ESD: variants seen among roughly 807,000 people sequenced by gnomAD.
ESD encodes the protein esterase D, also known as S-formylglutathione hydrolase.
Under a neutral mutation model 38.1 loss-of-function variants are expected in ESD, and 34 were observed. The observed-to-expected ratio is 0.89, with a 90% CI of 0.68 to 1.19. ESD has a LOEUF of 1.19. Among genes scored for constraint, ESD ranks in the 50% most tolerant of loss-of-function variants. ESD has a pLI of 0.00. For synonymous variants in ESD, 97 were observed against 107.0 expected, an observed-to-expected ratio of 0.91 and a Z score of 0.58; for missense variants, 334 against 327.2, an observed-to-expected ratio of 1.02 and a Z score of -0.16.
At chr13:46,775,824 G>C in intron 9 of ESD, 1 of 318,120 alleles carries the variant, frequency 3.1e-6, no homozygotes, top group Admixed American at 4.6e-5. Flanking sequence ...CCAACTATGT[G>C]TTCTAGTTGC....
At chr13:46,775,960 T>A (rs1372583023) in intron 9 of ESD, 1 of 228,944 alleles carries the variant, frequency 4.4e-6, no homozygotes, top group Non-Finnish European at 8.8e-6. Flanking sequence ...GCAGGCAGAA[T>A]CATTGTAGAA....
intron 9 of ESD, among the ~76,000 whole-genome samples, chr13:46,774,267 A>C (rs1256010540): frequency 6.6e-6 from 1 of 152,232 alleles, no homozygotes; most frequent in Admixed American, 6.5e-5. Context: ...ATTCACCTAT[A>C]TGAGAAAGAA....
chr13:46,791,919 G>A (rs1217677557), intron 2 of ESD, among the ~76,000 whole-genome samples: 1 of 151,880 alleles, frequency 6.6e-6, no homozygotes, highest in African/African-American at 2.4e-5. Context: ...CATTTTTCTA[G>A]ACACTAAACC....
chr13:46,792,278 T>C (rs1249457153), intron 2 of ESD, among the ~76,000 whole-genome samples: 1 of 152,026 alleles, frequency 6.6e-6, no homozygotes, highest in Non-Finnish European at 1.5e-5. Context: ...CAGTAAGTCC[T>C]ACATATTGAA....
intron 9 of ESD, chr13:46,775,785 G>T (rs571759375): frequency 4.8e-6 from 2 of 418,844 alleles, no homozygotes; most frequent in South Asian, 3.6e-5. Flanking sequence ...AGAATTGAAT[G>T]GTTTGTCTTG....
intron 9 of ESD, chr13:46,776,486 C>T (rs1395711850): frequency 6.6e-6 from 1 of 152,068 alleles, no homozygotes; most frequent in Non-Finnish European, 1.5e-5. Context: ...GGCCTTAGTT[C>T]CAGTTCTGGT....
At position 46,793,737 on chromosome 13, in the gene ESD, TAAAC is replaced by T. The variant is rs1321805185; in HGVS notation, c.-55-297_-55-294del. 7.2e-5 allele frequency among the ~76,000 whole-genome samples: 11 copies of T among 152,284 alleles called. 1 individual carries two copies. Among genetic ancestry groups the T allele is most frequent in the Admixed American group, 6.5e-4 (10 of 15,298 alleles). ...AAAGTTTTTTATCTTTTTAAATCAATAAACAAAGTTTTCAAGTGTAATTTCGAAG... is the reference window on the plus strand; with the variant it reads ...AAAGTTTTTTATCTTTTTAAATCAATAAAGTTTTCAAGTGTAATTTCGAAG... On this transcript the variant is annotated intron_variant, in intron 1 of 9. Transcript: ENST00000378720.
At chr13:46,790,682 A>G (rs1411429716) in intron 3 of ESD, 1 of 152,170 alleles carries the variant, frequency 6.6e-6, no homozygotes, top group Admixed American at 6.6e-5. Context: ...CAGACTTTCA[A>G]TTAATCTTTT....
chr13:46,777,775 C>T, intron 8 of ESD, 152 bp from the exon 9 acceptor site: 1 of 529,070 alleles, frequency 1.9e-6, no homozygotes, highest in Admixed American at 3.7e-5. Context: ...TCTGACTTGC[C>T]AGGCTTTTAT....
At chr13:46,783,440 T>C (rs1316930167) in intron 5 of ESD, among the ~76,000 whole-genome samples, 1 of 152,124 alleles carries the variant, frequency 6.6e-6, no homozygotes, top group East Asian at 1.9e-4. Context: ...GTAGAGTAAT[T>C]TGGAGACATG....
chr13:46,774,934 G>A (rs1290517460), intron 9 of ESD, among the ~76,000 whole-genome samples: 1 of 152,164 alleles, frequency 6.6e-6, no homozygotes, highest in Non-Finnish European at 1.5e-5. Flanking sequence ...GCAGGCAGAT[G>A]CAGAGGCTAA....
At chr13:46,790,556 A>G (rs1466165827) in intron 3 of ESD, 1 of 152,200 alleles carries the variant, frequency 6.6e-6, no homozygotes, top group Admixed American at 6.5e-5. Context: ...TGTGTCTGGT[A>G]TTCCCCAGTA....
Position 46,777,589 on chromosome 13 carries a change from G to C in ESD, c.635C>G (p.Pro212Arg). The change falls in exon 9 of 10, where the codon CCA becomes CGA. Residue 212 changes from proline (P) to arginine (R), a missense_variant. Coordinates refer to ENST00000378720, the MANE Select transcript of ESD (RefSeq NM_001984.2). ...AATTAGTATGTCCAGCTGAGATCCT[G>C]GATAGGATTTCACAAGGTGGGTAGC... ...YDATHLVKSY[P>R]GSQLDILIDQ... 2 of 1,606,778 alleles carry C rather than the reference G, an allele frequency of 1.2e-6. No individual in the cohort carries two copies. The highest frequency in any genetic ancestry group is 1.7e-6 in the Non-Finnish European group (2 of 1,176,322).
intron 2 of ESD, 102 bp from the exon 3 acceptor site, chr13:46,791,522 A>C: frequency 1.2e-6 from 1 of 807,060 alleles, no homozygotes; most frequent in South Asian, 1.8e-5. Flanking sequence ...ACATACAACT[A>C]TTTTCTACTT....
chr13:46,794,643 C>T (rs1314059848), intron 1 of ESD, among the ~76,000 whole-genome samples: 1 of 151,958 alleles, frequency 6.6e-6, no homozygotes, highest in African/African-American at 2.4e-5. Context: ...TTTTTTGTTC[C>T]CATTCTCTCA....
intron 2 of ESD, among the ~76,000 whole-genome samples, chr13:46,792,639 T>C (rs1328452217): frequency 3.3e-5 from 5 of 151,956 alleles, no homozygotes; most frequent in African/African-American, 1.2e-4. Flanking sequence ...ACTGATTCTA[T>C]AGAATTATGA....
rs1435188115 is a variant in ESD, at chr13:46,777,483, T to C, written c.741A>G (p.Lys247=). 6.2e-7 allele frequency: 1 copy of C among 1,606,356 alleles called. No homozygotes were observed. Among genetic ancestry groups the C allele is most frequent in the Non-Finnish European group, 8.5e-7 (1 of 1,175,246 alleles). ...DNFIAACTEK[K]IPVVFRLQEG... ...CTTGCAATCGAAAAACAACGGGGATTTTCTTTTCTGTACAGGCAGCTATGA... is the reference window on the plus strand; with the variant it reads ...CTTGCAATCGAAAAACAACGGGGATCTTCTTTTCTGTACAGGCAGCTATGA... The change falls in exon 9 of 10, where the codon AAA becomes AAG. Residue 247 remains lysine, a synonymous_variant. Transcript: ENST00000378720.
intron 3 of ESD, among the ~76,000 whole-genome samples, chr13:46,788,062 T>C (rs1001293655): frequency 6.6e-6 from 1 of 152,040 alleles, no homozygotes; most frequent in Admixed American, 6.6e-5. Context: ...TCGTATCACA[T>C]ATAATTTTGG....
chr13:46,787,909 C>G (rs1875251301), intron 3 of ESD, among the ~76,000 whole-genome samples: 1 of 151,876 alleles, frequency 6.6e-6, no homozygotes, highest in Non-Finnish European at 1.5e-5. Context: ...ATGTCCCTAT[C>G]TACATAATAT....
Sources: gnomAD v4.1 joint callset for allele counts (sites outside exome capture counted in the v4.1 genomes callset) on GRCh38, gnomAD v4.1.1 for gene constraint, MANE v1.5 for transcripts, NCBI Gene and HGNC (gene_info 2026-07-23, HGNC 2026-07-21) for gene names.